Variants in EIF3H observed in about 807,000 individuals in gnomAD.
EIF3H encodes eukaryotic translation initiation factor 3 subunit H.
A neutral mutation model predicts 44.2 loss-of-function variants in EIF3H; 26 were observed. The ratio of observed to expected loss-of-function variants is 0.59; its 90% CI spans 0.43 to 0.82. EIF3H has a LOEUF of 0.82. EIF3H is among the 40% of genes least tolerant of loss of function. EIF3H has a pLI of 0.00. For synonymous variants in EIF3H, 166 were observed against 151.9 expected, an observed-to-expected ratio of 1.09 and a Z score of -0.68; for missense variants, 359 against 432.8, an observed-to-expected ratio of 0.83 and a Z score of 1.51.
chr8:116,657,597 T>C, intron 3 of EIF3H: 2 of 389,966 alleles, frequency 5.1e-6, no homozygotes, highest in Non-Finnish European at 9.3e-6. Flanking sequence ...CAAGAACTAG[T>C]AACCTTGCTG....
chr8:116,673,670 C>A (rs1813793856), intron 2 of EIF3H, among the ~76,000 whole-genome samples: 2 of 152,156 alleles, frequency 1.3e-5, no homozygotes, highest in African/African-American at 2.4e-5. Flanking sequence ...GTAATCTCGT[C>A]TCTAACTTCG....
At chr8:116,708,045 T>C (rs964604270) in intron 2 of EIF3H, among the ~76,000 whole-genome samples, 1 of 152,166 alleles carries the variant, frequency 6.6e-6, no homozygotes, top group African/African-American at 2.4e-5. Context: ...TGGTAAGCAG[T>C]ATTTGCATTA....
chr8:116,740,686 TA>T (rs1474748027), intron 1 of EIF3H, among the ~76,000 whole-genome samples: 7 of 152,002 alleles, frequency 4.6e-5, no homozygotes, highest in Non-Finnish European at 1.0e-4. Flanking sequence ...AATGTTTGAG[TA>T]AAAGAAAAAA....
intron 2 of EIF3H, among the ~76,000 whole-genome samples, chr8:116,671,350 G>C (rs1394776862): frequency 1.3e-5 from 2 of 152,122 alleles, no homozygotes; most frequent in Non-Finnish European, 2.9e-5. Context: ...AGGGAGCTAG[G>C]TTTAATCAGA....
intron 2 of EIF3H, among the ~76,000 whole-genome samples, chr8:116,666,294 G>A (rs569523708): frequency 7.9e-5 from 12 of 152,188 alleles, no homozygotes; most frequent in East Asian, 3.9e-4. Context: ...AGGCATTGTC[G>A]CCCTATTTTA....
At chr8:116,699,767 A>T (rs1814337466) in intron 2 of EIF3H, among the ~76,000 whole-genome samples, 1 of 151,860 alleles carries the variant, frequency 6.6e-6, no homozygotes, top group Non-Finnish European at 1.5e-5. Context: ...TCTAAAGGTG[A>T]GGGTCTTAAT....
In EIF3H at chr8:116,744,625, TCTAC is replaced by T. The variant is rs549284337; in HGVS notation, c.132+11037_132+11040del. 2.9e-3 allele frequency among the ~76,000 whole-genome samples: 444 copies of T among 152,364 alleles called. 1 individual carries two copies. The highest frequency in any genetic ancestry group is 5.0e-3 in the Non-Finnish European group (337 of 68,030). On this transcript the variant is annotated intron_variant, in intron 1 of 7. Coordinates refer to ENST00000521861, the MANE Select transcript of EIF3H (RefSeq NM_003756.3). ...TGCATATAGCCATTTTAAAGAATGA[TCTAC>T]CTACCAGTAGTAGTTTACAAAAAAC...
intron 2 of EIF3H, among the ~76,000 whole-genome samples, chr8:116,720,793 G>A (rs1231063755): frequency 1.3e-5 from 2 of 152,100 alleles, no homozygotes; most frequent in Non-Finnish European, 2.9e-5. Context: ...CAAAGAGACT[G>A]CTAAATGATT....
chr8:116,650,187 T>C (rs561795502), intron 5 of EIF3H, among the ~76,000 whole-genome samples: 73 of 152,276 alleles, frequency 4.8e-4, no homozygotes, highest in Non-Finnish European at 9.7e-4. Flanking sequence ...GCTATGCAAA[T>C]AGACTGGAGA....
chr8:116,756,063 T>A, upstream of EIF3H: 1 of 1,440,374 alleles, frequency 6.9e-7, no homozygotes, highest in South Asian at 1.2e-5. Context: ...CATTCACCAC[T>A]AGGCAAACCG....
intron 1 of EIF3H, among the ~76,000 whole-genome samples, chr8:116,752,755 G>A (rs867293457): frequency 0.043 from 532 of 12,332 alleles, 22 homozygotes; most frequent in East Asian, 0.21. Context: ...GAAAGAAAGA[G>A]GGAGGGAGGG....
Position 116,685,161 on chromosome 8 carries a change from A to C in EIF3H, c.290-26181T>G, listed in dbSNP as rs545404857. 2.6e-5 allele frequency among the ~76,000 whole-genome samples: 4 copies of C among 152,338 alleles called. No individual in the cohort carries two copies. In the East Asian group the frequency reaches 7.7e-4, roughly 29 times the overall value. Reference sequence around the variant, plus strand: ...TCCCTCTCTTATGTGTGTAAAACAAACTTCAAATTCTGATTTCTTATGATG... The same window carrying C: ...TCCCTCTCTTATGTGTGTAAAACAACCTTCAAATTCTGATTTCTTATGATG... On this transcript the variant is annotated intron_variant, in intron 2 of 7. Transcript: ENST00000521861.
At chr8:116,658,599 C>A in intron 3 of EIF3H, 1 of 448,114 alleles carries the variant, frequency 2.2e-6, no homozygotes, top group Non-Finnish European at 3.9e-6. Context: ...CTCCAGCATT[C>A]CAAAATGTAC....
chr8:116,724,375 A>G (rs1024168943), intron 2 of EIF3H, among the ~76,000 whole-genome samples: 1 of 152,214 alleles, frequency 6.6e-6, no homozygotes, highest in Non-Finnish European at 1.5e-5. Context: ...AAAAAGCTTC[A>G]TGACATTGGA....
intron 2 of EIF3H, among the ~76,000 whole-genome samples, chr8:116,684,849 T>G (rs1397766238): frequency 2.0e-5 from 3 of 152,218 alleles, no homozygotes; most frequent in Non-Finnish European, 4.4e-5. Context: ...AATTATAAAA[T>G]GTTTTAAATT....
chr8:116,690,537 C>A (rs1284182375), intron 2 of EIF3H, among the ~76,000 whole-genome samples: 1 of 151,994 alleles, frequency 6.6e-6, no homozygotes, highest in Non-Finnish European at 1.5e-5. Flanking sequence ...TCTAAATAAA[C>A]AAAACAAAAC....
At chr8:116,676,495 A>C (rs1016851475) in intron 2 of EIF3H, among the ~76,000 whole-genome samples, 3 of 152,166 alleles carry the variant, frequency 2.0e-5, no homozygotes, top group Non-Finnish European at 4.4e-5. Context: ...TCTCCTGAGA[A>C]CTCACTAACT....
chr8:116,731,908 C>CT (rs770699984), intron 1 of EIF3H, among the ~76,000 whole-genome samples: 3 of 152,182 alleles, frequency 2.0e-5, no homozygotes, highest in Non-Finnish European at 1.5e-5. Context: ...CCTTCTGAAA[C>CT]TTTGTCATGT....
chr8:116,753,716 C>G (rs1423114376), intron 1 of EIF3H, among the ~76,000 whole-genome samples: 1 of 152,162 alleles, frequency 6.6e-6, no homozygotes, highest in African/African-American at 2.4e-5. Context: ...TTCAACAATC[C>G]CTCTTAAAGC....
Sources: allele counts gnomAD v4.1 joint callset (sites outside exome capture counted in the v4.1 genomes callset), GRCh38; gene constraint gnomAD v4.1.1; transcripts MANE v1.5; gene names NCBI Gene and HGNC (gene_info 2026-07-23, HGNC 2026-07-21).